Variants in EXOC6B observed in about 807,000 individuals in gnomAD.
EXOC6B encodes SEC15 homolog B.
In EXOC6B, 54 loss-of-function variants were observed where a neutral mutation model predicts 113.5. The observed-to-expected ratio is 0.48, with a 90% CI of 0.38 to 0.60. EXOC6B has a LOEUF of 0.60. Among genes scored for constraint, EXOC6B ranks in the 20% least tolerant of loss-of-function variants. EXOC6B has a pLI of 0.00. For synonymous variants in EXOC6B, 357 were observed against 339.0 expected (o/e 1.05, Z -0.58); for missense variants, 797 against 977.5 (o/e 0.82, Z 2.46).
intron 20 of EXOC6B, among the ~76,000 whole-genome samples, chr2:72,283,714 C>G (rs1281433305): frequency 6.6e-6 from 1 of 152,060 alleles, no homozygotes; most frequent in East Asian, 1.9e-4. Context: ...AGATCTGCCC[C>G]AGGAGAAACT....
chr2:72,603,141 C>T (rs972947192), intron 6 of EXOC6B, among the ~76,000 whole-genome samples: 17 of 149,260 alleles, frequency 1.1e-4, no homozygotes, highest in Non-Finnish European at 2.2e-4. Flanking sequence ...ATATCAATGG[C>T]CTTTTAAGCA....
intron 6 of EXOC6B, among the ~76,000 whole-genome samples, chr2:72,632,500 G>C (rs1004927992): frequency 6.6e-6 from 1 of 151,794 alleles, no homozygotes; most frequent in African/African-American, 2.4e-5. Flanking sequence ...TTATATAGTT[G>C]GTATTTTAAT....
chr2:72,243,037 T>C (rs1208354472), intron 20 of EXOC6B, among the ~76,000 whole-genome samples: 1 of 152,174 alleles, frequency 6.6e-6, no homozygotes, highest in Non-Finnish European at 1.5e-5. Context: ...AGAAATCCAT[T>C]GAAAATACAA....
chr2:72,402,434 C>T (rs1191282551), intron 18 of EXOC6B, among the ~76,000 whole-genome samples: 1 of 151,716 alleles, frequency 6.6e-6, no homozygotes, highest in Non-Finnish European at 1.5e-5. Flanking sequence ...TTCACTTTTG[C>T]CAAAGATTTT....
intron 6 of EXOC6B, among the ~76,000 whole-genome samples, chr2:72,653,859 A>C (rs1291500160): frequency 3.9e-5 from 6 of 152,154 alleles, no homozygotes; most frequent in Non-Finnish European, 5.9e-5. Flanking sequence ...AATGAATCTA[A>C]ATGGATATTA....
intron 6 of EXOC6B, among the ~76,000 whole-genome samples, chr2:72,577,405 C>T (rs1193264590): frequency 6.6e-6 from 1 of 151,990 alleles, no homozygotes; most frequent in East Asian, 1.9e-4. Flanking sequence ...TCCTTTAAAA[C>T]TTTCATATTT....
intron 17 of EXOC6B, among the ~76,000 whole-genome samples, chr2:72,469,988 C>G (rs541558489): frequency 6.6e-6 from 1 of 152,204 alleles, no homozygotes; most frequent in South Asian, 2.1e-4. Context: ...TCACGCATTC[C>G]TAACCTTACT....
At chr2:72,574,165 A>G (rs1005197967) in intron 7 of EXOC6B, among the ~76,000 whole-genome samples, 1 of 151,850 alleles carries the variant, frequency 6.6e-6, no homozygotes, top group African/African-American at 2.4e-5. Flanking sequence ...CTCCTGTTCT[A>G]TCAAACTTAA....
chr2:72,659,889 A>G (rs757785711), intron 6 of EXOC6B, among the ~76,000 whole-genome samples: 2 of 152,150 alleles, frequency 1.3e-5, no homozygotes, highest in Non-Finnish European at 2.9e-5. Context: ...TGTTGTGCAT[A>G]TGCCAATGAA....
intron 20 of EXOC6B, among the ~76,000 whole-genome samples, chr2:72,298,401 C>T (rs936335575): frequency 1.3e-5 from 2 of 152,120 alleles, no homozygotes; most frequent in Non-Finnish European, 2.9e-5. Context: ...GATGGATCTC[C>T]TGAATACAGC....
chr2:72,754,221 C>T (rs1257764512), intron 1 of EXOC6B, among the ~76,000 whole-genome samples: 2 of 152,034 alleles, frequency 1.3e-5, no homozygotes, highest in African/African-American at 4.8e-5. Context: ...AGGTAGAACA[C>T]AAGAAACTGC....
intron 6 of EXOC6B, among the ~76,000 whole-genome samples, chr2:72,584,355 G>C (rs1412564612): frequency 6.6e-6 from 1 of 151,928 alleles, no homozygotes; most frequent in Non-Finnish European, 1.5e-5. Context: ...AAAAGCACAG[G>C]CTACCATTCT....
At chr2:72,579,129 C>G (rs565595400) in intron 6 of EXOC6B, among the ~76,000 whole-genome samples, 1 of 152,100 alleles carries the variant, frequency 6.6e-6, no homozygotes, top group South Asian at 2.1e-4. Context: ...TTACAAGAAG[C>G]AAAAGTAACA....
At chr2:72,399,944 T>C (rs952591367) in intron 18 of EXOC6B, among the ~76,000 whole-genome samples, 4 of 152,094 alleles carry the variant, frequency 2.6e-5, no homozygotes, top group Non-Finnish European at 4.4e-5. Flanking sequence ...CTAAAATTCA[T>C]ATGGAACCTA....
Position 72,575,671 on chromosome 2 carries a change from AGGATAGAG to A in EXOC6B, c.670-11_670-4del. The stretch of plus-strand genomic sequence containing the variant: ...TCCAGGTTTCTTTGCTGCTGGGCCT[AGGATAGAG>A]AAGAACACACACAAACACACCAAAA... On this transcript the variant is annotated splice_polypyrimidine_tract_variant and splice_region_variant and intron_variant, in intron 6 of 21. Transcript: ENST00000272427. 6.3e-7 allele frequency: 1 copy of A among 1,585,102 alleles called. No individual in the cohort carries two copies. The highest frequency in any genetic ancestry group is 8.6e-7 in the Non-Finnish European group (1 of 1,168,300).
chr2:72,247,656 G>A (rs570250958), intron 20 of EXOC6B, among the ~76,000 whole-genome samples: 4 of 152,268 alleles, frequency 2.6e-5, no homozygotes, highest in African/African-American at 9.6e-5. Context: ...GTTTGTAACT[G>A]CAACTACTCA....
At chr2:72,301,016 C>G (rs1459314405) in intron 20 of EXOC6B, among the ~76,000 whole-genome samples, 1 of 152,098 alleles carries the variant, frequency 6.6e-6, no homozygotes, top group Non-Finnish European at 1.5e-5. Flanking sequence ...GAGGTATGTT[C>G]CTTCAATACC....
intron 17 of EXOC6B, among the ~76,000 whole-genome samples, chr2:72,478,942 C>T (rs1698912838): frequency 6.6e-6 from 1 of 152,122 alleles, no homozygotes; most frequent in African/African-American, 2.4e-5. Context: ...TTTGATAAAT[C>T]TAATGCCCAA....
chr2:72,387,898 G>C (rs1486336294), intron 18 of EXOC6B, among the ~76,000 whole-genome samples: 1 of 151,764 alleles, frequency 6.6e-6, no homozygotes, highest in African/African-American at 2.4e-5. Flanking sequence ...AGCTTCATAA[G>C]ACAAAACTTG....
Sources: allele counts gnomAD v4.1 joint callset (sites outside exome capture counted in the v4.1 genomes callset), GRCh38; gene constraint gnomAD v4.1.1; transcripts MANE v1.5; gene names NCBI Gene and HGNC (gene_info 2026-07-23, HGNC 2026-07-21).